PRDM10: variants seen among roughly 807,000 people sequenced by gnomAD.
The protein encoded by PRDM10 is PR domain zinc finger protein 10.
Under a neutral mutation model 133.1 loss-of-function variants are expected in PRDM10, and 65 were observed. The ratio of observed to expected loss-of-function variants is 0.49; its 90% CI spans 0.40 to 0.60. PRDM10 has a LOEUF of 0.60. Among genes scored for constraint, PRDM10 ranks in the 20% least tolerant of loss-of-function variants. PRDM10 has a pLI of 0.00. For synonymous variants in PRDM10, 582 were observed against 580.4 expected (o/e 1.00, Z -0.04); for missense variants, 1,137 against 1,507.1 (o/e 0.75, Z 4.07).
At position 129,910,549 on chromosome 11, in the gene PRDM10, C is replaced by T. The variant is rs1950155623; in HGVS notation, c.3090G>A (p.Gln1030=). 1 of 1,614,010 alleles carries T rather than the reference C, an allele frequency of 6.2e-7. No homozygotes were observed. The highest frequency in any genetic ancestry group is 1.3e-5 in the African/African-American group (1 of 74,918). ...SSTQGQALQQ[Q]QQQQQNSSVQ... ...CAGAGGAATTCTGCTGCTGCTGCTG[C>T]TGCTGCTGCAGAGCCTGCCCCTGTG... is the stretch of plus-strand genomic sequence containing the variant. Residue 1030 remains glutamine, a synonymous_variant, in exon 19 of 21, where the codon CAG becomes CAA. Coordinates refer to ENST00000360871, the MANE Select transcript of PRDM10 (RefSeq NM_199437.2).
At chr11:129,920,959 G>A (rs1483351616) in intron 13 of PRDM10, among the ~76,000 whole-genome samples, 1 of 152,042 alleles carries the variant, frequency 6.6e-6, no homozygotes, top group African/African-American at 2.4e-5. Flanking sequence ...CACCACGCCT[G>A]GCTACTTTTA....
rs1011065868 is a variant in PRDM10 at position 129,918,001 on chromosome 11, G to A, written c.2214+538C>T. 1.3e-5 allele frequency among the ~76,000 whole-genome samples: 2 copies of A among 152,034 alleles called. No individual in the cohort carries two copies. Among genetic ancestry groups the A allele is most frequent in the African/African-American group, 4.8e-5 (2 of 41,390 alleles). On this transcript the variant is annotated intron_variant, in intron 14 of 20. Coordinates refer to ENST00000360871, the MANE Select transcript of PRDM10 (RefSeq NM_199437.2). The surrounding 1 kb of genome is among the most constrained non-coding windows in gnomAD (Gnocchi z 5.3). The stretch of plus-strand genomic sequence containing the variant: ...CAAAAATTAGCCAGGCATGGTGGTG[G>A]GCACCTGTAATCCCAGCTACTCAGG...
At position 129,901,568 on chromosome 11, in the gene PRDM10, T is replaced by C. The variant is rs149464223; in HGVS notation, c.*745A>G. On this transcript the variant is annotated 3_prime_UTR_variant, in exon 21 of 21. Coordinates refer to ENST00000360871, the MANE Select transcript of PRDM10 (RefSeq NM_199437.2). ...AGCTTTAATGTAGGGGTTTAGATTC[T>C]GCTGACATCAAGCAGCCTTTTCTCT... is the stretch of plus-strand genomic sequence containing the variant. 6.6e-6 allele frequency: 1 copy of C among 152,412 alleles called. No individual in the cohort carries two copies. The highest frequency in any genetic ancestry group is 2.4e-5 in the African/African-American group (1 of 41,590). 9.4% of individuals were successfully genotyped at this position (152,412 alleles called of 1,614,324 possible).
intron 1 of PRDM10, among the ~76,000 whole-genome samples, chr11:129,979,898 G>A (rs974904451): frequency 5.9e-5 from 9 of 152,324 alleles, no homozygotes; most frequent in East Asian, 3.9e-4. Context: ...AGCCCCTTCC[G>A]ACCTTCAGTT....
chr11:129,994,270 G>GTCAGGAGTTCGAGA (rs1565517422), intron 1 of PRDM10, among the ~76,000 whole-genome samples: 1 of 151,168 alleles, frequency 6.6e-6, no homozygotes, highest in Admixed American at 6.6e-5. Flanking sequence ...GACCAGCCTG[G>GTCAGGAGTTCGAGA]CCAACATGGC....
chr11:129,965,121 A>G (rs897842468), intron 1 of PRDM10, among the ~76,000 whole-genome samples: 4 of 152,206 alleles, frequency 2.6e-5, no homozygotes, highest in Non-Finnish European at 4.4e-5. Context: ...TCAGCAAGTC[A>G]GGAGGCTGAG....
At chr11:129,925,727 A>C (rs1168247579) in intron 11 of PRDM10, among the ~76,000 whole-genome samples, 6 of 151,506 alleles carry the variant, frequency 4.0e-5, no homozygotes, top group Non-Finnish European at 5.9e-5. Flanking sequence ...AACAAACAAA[A>C]AAACAATAAA....
At chr11:129,990,207 T>C (rs925661653) in intron 1 of PRDM10, among the ~76,000 whole-genome samples, 3 of 151,732 alleles carry the variant, frequency 2.0e-5, no homozygotes, top group Non-Finnish European at 2.9e-5. Flanking sequence ...TAGCCAGGCA[T>C]GGGTGGCGGG....
At chr11:129,970,328 T>C (rs1308864702) in intron 1 of PRDM10, among the ~76,000 whole-genome samples, 1 of 152,172 alleles carries the variant, frequency 6.6e-6, no homozygotes, top group African/African-American at 2.4e-5. Context: ...TTACAAGTGA[T>C]GGATGGAGAC....
At position 129,909,299 on chromosome 11, in the gene PRDM10, A is replaced by T. The variant is rs368101539; in HGVS notation, c.3163+1177T>A. Among the ~76,000 whole-genome samples, 3 of 151,834 alleles carry T rather than the reference A, an allele frequency of 2.0e-5. No individual in the cohort carries two copies. In the South Asian group the frequency reaches 6.3e-4, roughly 32 times the overall value. On this transcript the variant is annotated intron_variant, in intron 19 of 20. Coordinates refer to ENST00000360871, the MANE Select transcript of PRDM10 (RefSeq NM_199437.2). ...ACCCCGTCTCTACTAAAAATACAAA[A>T]ATTAGCTGGGCGTGGTGGCGGGTGC...
chr11:129,931,403 T>C, intron 10 of PRDM10, 145 bp from the exon 11 acceptor site: 1 of 1,120,364 alleles, frequency 8.9e-7, no homozygotes. Flanking sequence ...TAGGTAACTA[T>C]GCACAGAAGG....
At chr11:130,001,630 C>A (rs981299127) in intron 1 of PRDM10, among the ~76,000 whole-genome samples, 1 of 152,198 alleles carries the variant, frequency 6.6e-6, no homozygotes, top group Admixed American at 6.5e-5. Context: ...CCAAGCAAGG[C>A]TAAAGGCGCG....
intron 11 of PRDM10, among the ~76,000 whole-genome samples, chr11:129,926,397 G>A (rs144438310): frequency 6.6e-6 from 1 of 152,226 alleles, no homozygotes; most frequent in Non-Finnish European, 1.5e-5. Flanking sequence ...TTGCTACAAG[G>A]GGGGGAAATC....
At chr11:129,962,877 A>G (rs916149549) in intron 1 of PRDM10, among the ~76,000 whole-genome samples, 24 of 152,170 alleles carry the variant, frequency 1.6e-4, no homozygotes, top group African/African-American at 5.5e-4. Flanking sequence ...GGCTGGGTGC[A>G]GTGGTTCACA....
At position 130,000,066 on chromosome 11, in the gene PRDM10, G is replaced by A. The variant is rs375321781; in HGVS notation, c.-119+2656C>T. On this transcript the variant is annotated intron_variant, in intron 1 of 20. Transcript: ENST00000360871. ...AATTTTTTTTTTTTTTTTTTGAGAC[G>A]GAGTTTCGCTCTTGTTGCCCAGGCT... Among the ~76,000 whole-genome samples, 233 of 138,794 alleles carry A rather than the reference G, an allele frequency of 1.7e-3. 1 individual carries two copies. The highest frequency in any genetic ancestry group is 5.8e-3 in the African/African-American group (214 of 36,822). 91.1% of individuals were successfully genotyped at this position (138,794 alleles called of 152,430 possible).
intron 1 of PRDM10, among the ~76,000 whole-genome samples, chr11:129,982,980 A>T (rs571021517): frequency 2.2e-4 from 33 of 150,632 alleles, no homozygotes; most frequent in East Asian, 3.9e-4. Flanking sequence ...TCTTTAAAAA[A>T]TTTTTTTTTT....
rs1202340356 is a variant in PRDM10, at chr11:129,942,406, C to CG, written c.966+19dup. On this transcript the variant is annotated intron_variant, in intron 7 of 20. Coordinates refer to ENST00000360871, the MANE Select transcript of PRDM10 (RefSeq NM_199437.2). The stretch of plus-strand genomic sequence containing the variant: ...TCACTCTTGCTAGCAAATAGCAGCA[C>CG]GGGTCAGGCAGCACTGTACCTTCAG... The CG allele has an allele frequency of 6.3e-7, 1 of 1,599,464 alleles. No individual in the cohort carries two copies.
At chr11:129,906,042 T>C (rs1288000409) in intron 19 of PRDM10, among the ~76,000 whole-genome samples, 1 of 152,236 alleles carries the variant, frequency 6.6e-6, no homozygotes, top group African/African-American at 2.4e-5. Flanking sequence ...GAGTTACCTT[T>C]TAAATCAATA....
intron 4 of PRDM10, among the ~76,000 whole-genome samples, chr11:129,951,661 A>G (rs1951584979): frequency 6.6e-6 from 1 of 152,228 alleles, no homozygotes; most frequent in Non-Finnish European, 1.5e-5. Context: ...GAAGTGAAAC[A>G]TGAAACGACC....
Sources: gnomAD v4.1 joint callset for allele counts (sites outside exome capture counted in the v4.1 genomes callset) on GRCh38, gnomAD v4.1.1 for gene constraint, Gnocchi (gnomAD v3.1) non-coding constraint, MANE v1.5 for transcripts, NCBI Gene and HGNC (gene_info 2026-07-23, HGNC 2026-07-21) for gene names.